CTNND2: variants seen among roughly 807,000 people sequenced by gnomAD.
The protein encoded by CTNND2 is catenin delta-2.
A neutral mutation model predicts 144.4 loss-of-function variants in CTNND2; 22 were observed. That is an observed-to-expected ratio of 0.15 (90% confidence interval 0.11 to 0.22). CTNND2 has a LOEUF of 0.22. Among genes scored for constraint, CTNND2 ranks in the 10% least tolerant of loss-of-function variants. The probability of loss-of-function intolerance (pLI) is 1.00; values close to 1 mark genes in which losing one functional copy is unlikely to be tolerated. For missense variants in CTNND2, 1,353 were observed against 1,618.8 expected (o/e 0.84, Z 2.82); for synonymous variants, 751 against 695.6 (o/e 1.08, Z -1.25).
At chr5:11,502,352 C>A (rs1350373446) in intron 3 of CTNND2, among the ~76,000 whole-genome samples, 1 of 152,084 alleles carries the variant, frequency 6.6e-6, no homozygotes, top group East Asian at 1.9e-4. Flanking sequence ...AAATTCAATT[C>A]AAGGAGTGTA....
At chr5:11,839,243 G>A (rs1326165324) in intron 1 of CTNND2, among the ~76,000 whole-genome samples, 2 of 151,930 alleles carry the variant, frequency 1.3e-5, no homozygotes, top group African/African-American at 2.4e-5. Flanking sequence ...CCAGAGAACT[G>A]AAGCATATTC....
At chr5:11,034,894 T>A (rs1743898020) in intron 16 of CTNND2, among the ~76,000 whole-genome samples, 1 of 152,088 alleles carries the variant, frequency 6.6e-6, no homozygotes, top group Non-Finnish European at 1.5e-5. Context: ...TATTATACTT[T>A]AAGTTTTAGG....
Position 11,904,030 on chromosome 5 carries a change from G to A in CTNND2, c.-177C>T, listed in dbSNP as rs1267283330. 5 of 583,966 alleles carry A rather than the reference G, an allele frequency of 8.6e-6. No individual in the cohort carries two copies. The highest frequency in any genetic ancestry group is 5.7e-4 in the Middle Eastern group (1 of 1,768). The allele number at this position is 583,966 out of a possible 1,614,324, so 36.2% of individuals were successfully genotyped here. On this transcript the variant is annotated 5_prime_UTR_variant, in exon 1 of 22. Coordinates refer to ENST00000304623, the MANE Select transcript of CTNND2 (RefSeq NM_001332.4). This position sits in a 1 kb window ranked among gnomAD's most constrained non-coding sequence, Gnocchi z 4.2. Reference sequence around the variant, plus strand: ...CAGGGGCGAGCGCCGCGGGCGAGAGGCGGCTCCCGACGCGAGTGCGCAGCG... The same window carrying A: ...CAGGGGCGAGCGCCGCGGGCGAGAGACGGCTCCCGACGCGAGTGCGCAGCG...
At chr5:11,668,985 T>A (rs1783724726) in intron 2 of CTNND2, among the ~76,000 whole-genome samples, 1 of 152,182 alleles carries the variant, frequency 6.6e-6, no homozygotes, top group Non-Finnish European at 1.5e-5. Flanking sequence ...GGCTGTGGAA[T>A]TGTGTCGAAA....
intron 6 of CTNND2, among the ~76,000 whole-genome samples, chr5:11,394,092 C>T (rs571917617): frequency 6.6e-6 from 1 of 152,118 alleles, no homozygotes; most frequent in African/African-American, 2.4e-5. Flanking sequence ...AAAGTCTCCT[C>T]GAGGTCCCTA....
intron 2 of CTNND2, among the ~76,000 whole-genome samples, chr5:11,674,416 T>A (rs1784061384): frequency 6.6e-6 from 1 of 152,158 alleles, no homozygotes; most frequent in African/African-American, 2.4e-5. Context: ...GGTACCATGA[T>A]TTCCCCTATA....
At chr5:11,791,329 G>A (rs994296964) in intron 1 of CTNND2, among the ~76,000 whole-genome samples, 4 of 152,176 alleles carry the variant, frequency 2.6e-5, no homozygotes, top group Non-Finnish European at 2.9e-5. Flanking sequence ...ATAACTTAGA[G>A]GTTCAGGTTG....
intron 12 of CTNND2, among the ~76,000 whole-genome samples, chr5:11,137,375 C>T (rs1485131045): frequency 2.0e-5 from 3 of 152,004 alleles, no homozygotes; most frequent in Admixed American, 6.6e-5. Context: ...TGTATCTAGT[C>T]GTCTAGAGCA....
intron 18 of CTNND2, among the ~76,000 whole-genome samples, chr5:11,006,936 A>G (rs1407007781): frequency 7.2e-5 from 11 of 152,134 alleles, no homozygotes; most frequent in African/African-American, 2.4e-4. Flanking sequence ...ACGACTTAAC[A>G]AGAGGCCTGG....
intron 3 of CTNND2, among the ~76,000 whole-genome samples, chr5:11,412,676 G>A (rs1445362342): frequency 6.6e-6 from 1 of 152,094 alleles, no homozygotes; most frequent in Non-Finnish European, 1.5e-5. Context: ...TGTATAGAGT[G>A]GTTCTGTATA....
chr5:11,380,537 C>T (rs548352405), intron 7 of CTNND2, among the ~76,000 whole-genome samples: 6 of 152,186 alleles, frequency 3.9e-5, no homozygotes, highest in Non-Finnish European at 7.3e-5. Context: ...TGGCTTTCCA[C>T]TCAGGTAGCT....
At chr5:11,381,116 C>CCTTCATCACCTAGTGCATGAGAAA (rs1758440247) in intron 7 of CTNND2, among the ~76,000 whole-genome samples, 1 of 152,162 alleles carries the variant, frequency 6.6e-6, no homozygotes, top group African/African-American at 2.4e-5. Context: ...TCAGTGGCTA[C>CCTTCATCACCTAGTGCATGAGAAA]ACCTTATATA....
chr5:11,774,546 A>AAAC (rs1790132521), intron 1 of CTNND2, among the ~76,000 whole-genome samples: 1 of 88,664 alleles, frequency 1.1e-5, no homozygotes, highest in African/African-American at 2.8e-5. Flanking sequence ...AACTTAAAGT[A>AAAC]TAATAAAAAA....
At chr5:11,316,861 G>A (rs997503078) in intron 9 of CTNND2, among the ~76,000 whole-genome samples, 1 of 152,098 alleles carries the variant, frequency 6.6e-6, no homozygotes, top group East Asian at 1.9e-4. Context: ...TGGTGTATAT[G>A]TGCCACATTT....
intron 11 of CTNND2, among the ~76,000 whole-genome samples, chr5:11,188,240 G>T (rs1230727804): frequency 1.3e-5 from 2 of 151,700 alleles, no homozygotes; most frequent in African/African-American, 4.8e-5. Context: ...AAGAAAATGT[G>T]GTATATATAT....
chr5:11,865,747 A>G (rs906949193), intron 1 of CTNND2, among the ~76,000 whole-genome samples: 1 of 152,078 alleles, frequency 6.6e-6, no homozygotes, highest in Non-Finnish European at 1.5e-5. Context: ...TGGGCTTACA[A>G]TAATCATAAG....
intron 2 of CTNND2, among the ~76,000 whole-genome samples, chr5:11,580,596 A>G (rs1376005893): frequency 2.0e-5 from 3 of 152,144 alleles, no homozygotes; most frequent in African/African-American, 7.2e-5. Flanking sequence ...TGTGGATGGG[A>G]TCTAGAAAGT....
chr5:10,973,791 C>A lies in CTNND2; in HGVS notation c.3418-78G>T. 1 of 1,476,962 alleles carries A rather than the reference C, an allele frequency of 6.8e-7. No individual in the cohort carries two copies. The highest frequency in any genetic ancestry group is 9.0e-7 in the Non-Finnish European group (1 of 1,105,884). The allele number at this position is 1,476,962 out of a possible 1,614,324, so 91.5% of individuals were successfully genotyped here. ...CTGCCTCTTGCCCCGGCACCCAACT[C>A]TCCTTCAAAGAATAGGCTGTGTATA... On this transcript the variant is annotated intron_variant, in intron 21 of 21. Transcript: ENST00000304623. The surrounding 1 kb of genome is among the most constrained non-coding windows in gnomAD (Gnocchi z 5.6).
intron 16 of CTNND2, among the ~76,000 whole-genome samples, chr5:11,066,741 G>T (rs376220831): frequency 3.3e-5 from 5 of 152,300 alleles, no homozygotes; most frequent in African/African-American, 1.2e-4. Flanking sequence ...GAGACTCAGT[G>T]AGAGTGAAAT....
Sources: allele counts gnomAD v4.1 joint callset (sites outside exome capture counted in the v4.1 genomes callset), GRCh38; gene constraint gnomAD v4.1.1; non-coding constraint Gnocchi (gnomAD v3.1); transcripts MANE v1.5; gene names NCBI Gene and HGNC (gene_info 2026-07-23, HGNC 2026-07-21).